Variants in CACNA2D3 observed in about 807,000 individuals in gnomAD.
CACNA2D3 encodes voltage-dependent calcium channel subunit alpha-2/delta-3.
In CACNA2D3, 60 loss-of-function variants were observed where a neutral mutation model predicts 160.6. The ratio of observed to expected loss-of-function variants is 0.37; its 90% CI spans 0.30 to 0.46. The LOEUF is 0.46. CACNA2D3 is among the 20% of genes least tolerant of loss of function. The pLI is 1.00. For synonymous variants in CACNA2D3, 558 were observed against 492.9 expected (o/e 1.13, Z -1.75); for missense variants, 1,205 against 1,365.0 (o/e 0.88, Z 1.85).
chr3:54,897,603 CTTGGG>C (rs1421440893), intron 26 of CACNA2D3, among the ~76,000 whole-genome samples: 1 of 152,086 alleles, frequency 6.6e-6, no homozygotes, highest in Non-Finnish European at 1.5e-5. Flanking sequence ...GTTCTGTAAA[CTTGGG>C]TTGCTCTGGA....
At chr3:54,416,880 G>T (rs755067446) in intron 4 of CACNA2D3, among the ~76,000 whole-genome samples, 21 of 152,038 alleles carry the variant, frequency 1.4e-4, no homozygotes, top group Non-Finnish European at 2.1e-4. Context: ...TGCTTATAAA[G>T]AAAACATTTT....
chr3:54,150,863 T>C (rs768043317), intron 2 of CACNA2D3, among the ~76,000 whole-genome samples: 2 of 150,492 alleles, frequency 1.3e-5, no homozygotes, highest in Non-Finnish European at 3.0e-5. Context: ...TGAGTGGGTG[T>C]ATGGAGAAAG....
intron 4 of CACNA2D3, among the ~76,000 whole-genome samples, chr3:54,490,237 T>C (rs1004875548): frequency 1.3e-5 from 2 of 152,138 alleles, no homozygotes; most frequent in Non-Finnish European, 2.9e-5. Context: ...TCCCATTCGA[T>C]CACAGAAAGA....
intron 14 of CACNA2D3, among the ~76,000 whole-genome samples, chr3:54,832,769 C>T (rs1343559477): frequency 6.6e-6 from 1 of 152,186 alleles, no homozygotes; most frequent in Non-Finnish European, 1.5e-5. Flanking sequence ...CTTGAGGCTC[C>T]TTGGGGATAA....
rs2106887915 is a variant in CACNA2D3, at chr3:54,899,769, G to A, written c.2369-19G>A. On this transcript the variant is annotated intron_variant, in intron 26 of 37. Coordinates refer to ENST00000474759, the MANE Select transcript of CACNA2D3 (RefSeq NM_018398.3). Reference sequence around the variant, plus strand: ...TGTAATTATCTTCATTTTTGTTGTGGTGTTTTTTCTTTTCACAGGACCAGT... The same window carrying A: ...TGTAATTATCTTCATTTTTGTTGTGATGTTTTTTCTTTTCACAGGACCAGT... 4 of 1,559,060 alleles carry A rather than the reference G, an allele frequency of 2.6e-6. No individual in the cohort carries two copies. The highest frequency in any genetic ancestry group is 3.5e-6 in the Non-Finnish European group (4 of 1,136,070).
intron 2 of CACNA2D3, among the ~76,000 whole-genome samples, chr3:54,262,416 G>A (rs778117465): frequency 2.6e-5 from 4 of 152,308 alleles, no homozygotes; most frequent in East Asian, 3.9e-4. Flanking sequence ...CAAGAGGGAA[G>A]CTAAAGGTCG....
chr3:54,958,014 C>G (rs984660637), intron 27 of CACNA2D3, among the ~76,000 whole-genome samples: 8 of 152,204 alleles, frequency 5.3e-5, no homozygotes, highest in African/African-American at 1.9e-4. Flanking sequence ...ATTGATATCT[C>G]CATCCACATT....
intron 23 of CACNA2D3, 139 bp from the exon 24 acceptor site, chr3:54,887,820 A>G (rs1559617732): frequency 4.6e-6 from 3 of 650,990 alleles, no homozygotes; most frequent in Non-Finnish European, 8.2e-6. Context: ...CATATTTTCA[A>G]CTAGTGGGAA....
At chr3:54,225,848 T>C (rs1362312854) in intron 2 of CACNA2D3, among the ~76,000 whole-genome samples, 10 of 152,128 alleles carry the variant, frequency 6.6e-5, no homozygotes, top group African/African-American at 2.4e-4. Flanking sequence ...ACATTGTACT[T>C]GGAAACTTGT....
chr3:54,214,866 T>C (rs993380130), intron 2 of CACNA2D3, among the ~76,000 whole-genome samples: 6 of 151,986 alleles, frequency 3.9e-5, no homozygotes, highest in African/African-American at 1.5e-4. Context: ...AGCTCAGGGG[T>C]TGAGTGCAGC....
At chr3:54,137,760 TAC>T (rs1196552536) in intron 2 of CACNA2D3, among the ~76,000 whole-genome samples, 1 of 150,888 alleles carries the variant, frequency 6.6e-6, no homozygotes, top group Non-Finnish European at 1.5e-5. Context: ...GACTCTGTTG[TAC>T]TCTATTCTAC....
In CACNA2D3 at chr3:54,781,092, TTTAACTA is replaced by T. The variant is rs148763117; in HGVS notation, c.1380+16746_1380+16752del. Among the ~76,000 whole-genome samples the T allele has an allele frequency of 8.5e-3, 1,301 of 152,320 alleles. 16 individuals carry two copies. The highest frequency in any genetic ancestry group is 0.029 in the African/African-American group (1,208 of 41,578). ...ATTTAAGGGTTAAAATAATCTTAAT[TTTAACTA>T]TTAATGTTACTGAGAACAGATTTTC... On this transcript the variant is annotated intron_variant, in intron 13 of 37. Transcript: ENST00000474759.
rs376482749 is a variant in CACNA2D3, at chr3:54,878,975, T to A, written c.1711-43T>A. On this transcript the variant is annotated intron_variant, in intron 18 of 37. Coordinates refer to ENST00000474759, the MANE Select transcript of CACNA2D3 (RefSeq NM_018398.3). Reference sequence around the variant, plus strand: ...GATGCAAGATGTCCAGATTACATGATAACCCAGGGAAGAACTAACACACTT... The same window carrying A: ...GATGCAAGATGTCCAGATTACATGAAAACCCAGGGAAGAACTAACACACTT... 7.6e-5 allele frequency: 97 copies of A among 1,276,708 alleles called. 1 individual carries two copies. Among genetic ancestry groups the A allele is most frequent in the Non-Finnish European group, 1.9e-5 (17 of 902,790 alleles). The allele number at this position is 1,276,708 out of a possible 1,614,324, so 79.1% of individuals were successfully genotyped here.
intron 3 of CACNA2D3, among the ~76,000 whole-genome samples, chr3:54,331,337 C>T (rs901973057): frequency 1.3e-5 from 2 of 152,144 alleles, no homozygotes; most frequent in Non-Finnish European, 2.9e-5. Flanking sequence ...CATGCAGCTC[C>T]GTAGTCGTTT....
chr3:54,803,939 C>T (rs993544807), intron 13 of CACNA2D3, among the ~76,000 whole-genome samples: 10 of 152,110 alleles, frequency 6.6e-5, no homozygotes, highest in African/African-American at 2.4e-4. Flanking sequence ...CCCAGAATTT[C>T]ATATCCAGTC....
intron 17 of CACNA2D3, among the ~76,000 whole-genome samples, chr3:54,847,206 A>C (rs753750046): frequency 1.1e-4 from 16 of 152,232 alleles, no homozygotes; most frequent in Non-Finnish European, 1.3e-4. Context: ...CCCCTGAACT[A>C]GTTGCAGTGT....
At chr3:54,739,751 ATGTGTGTGTGTGTGTG>A (rs5849058) in intron 11 of CACNA2D3, among the ~76,000 whole-genome samples, 66 of 145,952 alleles carry the variant, frequency 4.5e-4, no homozygotes, top group South Asian at 1.4e-3. Flanking sequence ...CTCCTCATAT[ATGTGTGTGTGTGTGTG>A]TGTGTGTGTG....
At chr3:54,618,375 G>GCACA (rs56788185) in intron 9 of CACNA2D3, among the ~76,000 whole-genome samples, 24,356 of 115,296 alleles carry the variant, frequency 0.21, 3,158 homozygotes, top group East Asian at 0.33. Flanking sequence ...ATATATATAT[G>GCACA]CACACACACA....
chr3:54,288,237 G>A (rs1317228581), intron 2 of CACNA2D3, among the ~76,000 whole-genome samples: 1 of 151,902 alleles, frequency 6.6e-6, no homozygotes, highest in Admixed American at 6.6e-5. Context: ...ATGATAAGGG[G>A]GATATCACCA....
Sources: gnomAD v4.1 joint callset for allele counts (sites outside exome capture counted in the v4.1 genomes callset) on GRCh38, gnomAD v4.1.1 for gene constraint, MANE v1.5 for transcripts, NCBI Gene and HGNC (gene_info 2026-07-23, HGNC 2026-07-21) for gene names.